DNAH12: variants seen among roughly 807,000 people sequenced by gnomAD.
DNAH12 encodes dynein axonemal heavy chain 12, also known as axonemal beta dynein heavy chain 12.
DNAH12 carries 285 observed loss-of-function variants against 371.5 expected under a neutral mutation model. That is an observed-to-expected ratio of 0.77 (90% CI 0.70 to 0.85). The LOEUF (loss-of-function observed/expected upper bound fraction) is 0.85, where lower values mean the gene tolerates loss of function less well. Ranked by LOEUF, DNAH12 falls within the 40% of genes least tolerant of loss-of-function variation. The probability of loss-of-function intolerance (pLI) is 0.00; values close to 1 mark genes in which losing one functional copy is unlikely to be tolerated. For synonymous variants in DNAH12, 1,200 were observed against 1,213.0 expected (o/e 0.99, Z 0.22); for missense variants, 3,611 against 3,689.4 (o/e 0.98, Z 0.55).
At chr3:57,413,506 T>C (rs1222531110) in intron 39 of DNAH12, among the ~76,000 whole-genome samples, 3 of 152,072 alleles carry the variant, frequency 2.0e-5, no homozygotes, top group South Asian at 2.1e-4. Flanking sequence ...TTGGTGGGGA[T>C]GTTGAGATTG....
Position 57,453,355 on chromosome 3 carries a change from C to T in DNAH12, c.3505G>A (p.Val1169Ile), listed in dbSNP as rs779992149. 3.9e-6 allele frequency: 6 copies of T among 1,550,650 alleles called. No individual in the cohort carries two copies. In the South Asian group the frequency reaches 7.2e-5, roughly 18 times the overall value. Residue 1169 changes from valine (V) to isoleucine (I), a missense_variant, in exon 24 of 74, where the codon GTA (valine) becomes ATA (isoleucine). Val to Ile is a conservative substitution (Grantham distance 29). Transcript: ENST00000495027. ...KELQNQLNEI[V>I]ELVRGKLSKQ... ...GACAACTTTCCTCTTACCAGCTCTACAATCTCATTCAGTTGGTTCTGAAGT... is the reference window on the plus strand; with the variant it reads ...GACAACTTTCCTCTTACCAGCTCTATAATCTCATTCAGTTGGTTCTGAAGT...
At chr3:57,523,987 A>G in intron 2 of DNAH12, 103 bp from the exon 3 acceptor site, 1 of 720,186 alleles carries the variant, frequency 1.4e-6, no homozygotes, top group Non-Finnish European at 2.1e-6. Context: ...GAGATATTCA[A>G]GAGTTATCTT....
At chr3:57,476,337 G>A (rs146626586) in intron 13 of DNAH12, among the ~76,000 whole-genome samples, 2,120 of 152,160 alleles carry the variant, frequency 0.014, 34 homozygotes, top group African/African-American at 0.047. Context: ...AGGCTGAGAC[G>A]GGCAGATCAT....
chr3:57,521,487 A>T (rs1373835245), intron 4 of DNAH12, among the ~76,000 whole-genome samples: 1 of 151,882 alleles, frequency 6.6e-6, no homozygotes, highest in East Asian at 1.9e-4. Flanking sequence ...GCAAAGAGAG[A>T]CCCCTGTCTC....
At chr3:57,406,013 A>T (rs1423082090) in intron 40 of DNAH12, 61 bp from the exon 41 acceptor site, 1 of 1,445,576 alleles carries the variant, frequency 6.9e-7, no homozygotes, top group Admixed American at 2.3e-5. Context: ...AAGTCATGTA[A>T]CCAGTGGAAT....
chr3:57,520,038 G>C, intron 4 of DNAH12: 2 of 682,034 alleles, frequency 2.9e-6, no homozygotes, highest in East Asian at 2.8e-5. Context: ...GATGGCCGAC[G>C]TTGGGTTGGG....
chr3:57,421,903 T>C (rs1337642238), intron 35 of DNAH12, among the ~76,000 whole-genome samples, 197 bp from the exon 36 acceptor site: 2 of 105,140 alleles, frequency 1.9e-5, no homozygotes, highest in East Asian at 2.2e-4. Flanking sequence ...TTTGCATGTC[T>C]TTTTTTTTTT....
At chr3:57,541,062 T>G (rs917079570) in intron 2 of DNAH12, among the ~76,000 whole-genome samples, 2 of 151,692 alleles carry the variant, frequency 1.3e-5, no homozygotes, top group East Asian at 3.9e-4. Flanking sequence ...TTTTTTGAGA[T>G]GGAGTCTCGT....
intron 12 of DNAH12, among the ~76,000 whole-genome samples, chr3:57,485,373 T>C (rs998127523): frequency 2.0e-5 from 3 of 151,984 alleles, no homozygotes; most frequent in African/African-American, 7.2e-5. Flanking sequence ...TAATGTCCTT[T>C]GCTGTAACTT....
intron 33 of DNAH12, 79 bp from the exon 34 acceptor site, chr3:57,428,900 G>A (rs1348627518): frequency 1.5e-6 from 2 of 1,323,952 alleles, no homozygotes. Context: ...TTCTTAAGAT[G>A]ACTTATGAGA....
At chr3:57,454,399 G>C (rs1019720175) in intron 23 of DNAH12, among the ~76,000 whole-genome samples, 7 of 151,004 alleles carry the variant, frequency 4.6e-5, no homozygotes, top group African/African-American at 1.5e-4. Context: ...AGAATCACTT[G>C]AACCTGGGAG....
chr3:57,388,662 G>A (rs994343497), intron 45 of DNAH12, among the ~76,000 whole-genome samples: 136 of 152,204 alleles, frequency 8.9e-4, no homozygotes, highest in South Asian at 1.9e-3. Context: ...AAACATTACA[G>A]AGGAGGCTTA....
intron 4 of DNAH12, among the ~76,000 whole-genome samples, chr3:57,513,070 G>A (rs186032329): frequency 2.4e-4 from 37 of 151,828 alleles, no homozygotes; most frequent in Admixed American, 5.3e-4. Flanking sequence ...TCCAGGAAGC[G>A]GAGATTGCAG....
chr3:57,438,992 A>G (rs919112223), intron 29 of DNAH12, among the ~76,000 whole-genome samples: 4 of 151,764 alleles, frequency 2.6e-5, no homozygotes, highest in African/African-American at 9.6e-5. Flanking sequence ...CAGTAGGAAT[A>G]TATCTAACCA....
chr3:57,294,815 A>G (rs1001642224), intron 73 of DNAH12, among the ~76,000 whole-genome samples: 2 of 152,334 alleles, frequency 1.3e-5, no homozygotes, highest in Admixed American at 1.3e-4. Flanking sequence ...TAAGATATTA[A>G]GAGTCTTTCC....
At chr3:57,381,235 A>AGG (rs1202441367) in intron 50 of DNAH12, among the ~76,000 whole-genome samples, 27 of 78,984 alleles carry the variant, frequency 3.4e-4, no homozygotes, top group African/African-American at 9.7e-4. Context: ...CCTGATAGGG[A>AGG]GGTGTGTGTG....
In DNAH12 at chr3:57,302,529, G is replaced by GTTTATATATATACA. The variant is rs879293648; in HGVS notation, c.11190-591_11190-590insTGTATATATATAAA. ...TGCTGAATTAACTAAGGCATCAGGTGTATATATATATATATATATATATAT... is the reference window on the plus strand; with the variant it reads ...TGCTGAATTAACTAAGGCATCAGGTGTTTATATATATACATATATATATATATATATATATATAT... On this transcript the variant is annotated intron_variant, in intron 69 of 73. Transcript: ENST00000495027. 4.4e-4 allele frequency among the ~76,000 whole-genome samples: 21 copies of GTTTATATATATACA among 47,856 alleles called. 1 individual carries two copies. In the East Asian group the frequency reaches 0.015, roughly 35 times the overall value. 31.4% of individuals were successfully genotyped at this position (47,856 alleles called of 152,430 possible). A position where few individuals can be genotyped will look rare whatever the true frequency, so the allele number is the denominator to read the frequency against.
chr3:57,361,654 A>G (rs1201052423), intron 58 of DNAH12, among the ~76,000 whole-genome samples: 4 of 151,916 alleles, frequency 2.6e-5, no homozygotes, highest in South Asian at 2.1e-4. Flanking sequence ...TGTTCAATCA[A>G]CTAGCAACTA....
intron 7 of DNAH12, 40 bp from the exon 8 acceptor site, chr3:57,507,878 T>C: frequency 2.6e-6 from 4 of 1,517,628 alleles, no homozygotes; most frequent in Non-Finnish European, 3.5e-6. Context: ...AAGCAAATGA[T>C]ACATATTGGT....
Sources: gnomAD v4.1 joint callset for allele counts (sites outside exome capture counted in the v4.1 genomes callset) on GRCh38, gnomAD v4.1.1 for gene constraint, MANE v1.5 for transcripts, NCBI Gene and HGNC (gene_info 2026-07-23, HGNC 2026-07-21) for gene names.